The following UNC13C variants were observed in gnomAD, a reference collection of about 807,000 sequenced individuals.
The protein encoded by UNC13C is protein unc-13 homolog C.
Under a neutral mutation model 245.4 loss-of-function variants are expected in UNC13C, and 174 were observed. The observed-to-expected ratio is 0.71, with a 90% CI of 0.63 to 0.80. The LOEUF is 0.80. Ranked by LOEUF, UNC13C falls within the 30% of genes least tolerant of loss-of-function variation. UNC13C has a pLI of 0.00. For missense variants in UNC13C, 2,829 were observed against 2,602.9 expected (o/e 1.09, Z -1.89); for synonymous variants, 992 against 895.1 (o/e 1.11, Z -1.93).
intron 19 of UNC13C, among the ~76,000 whole-genome samples, chr15:54,416,445 A>G (rs939088061): frequency 6.6e-6 from 1 of 152,132 alleles, no homozygotes; most frequent in East Asian, 1.9e-4. Flanking sequence ...CTAATCTTTA[A>G]AATCACACCA....
rs150805041 is a variant in UNC13C, at chr15:54,538,882, T to A, written c.5696+5816T>A. Among the ~76,000 whole-genome samples the A allele has an allele frequency of 3.5e-3, 526 of 151,970 alleles. 5 individuals carry two copies. The highest frequency in any genetic ancestry group is 0.012 in the African/African-American group (509 of 41,494). On this transcript the variant is annotated intron_variant, in intron 26 of 32. Transcript: ENST00000260323. ...CGGGAGGAGGGTGAGAATCAAAAAC[T>A]ACGTATTGGGTACTATACTTGTTAC...
chr15:54,157,791 T>C (rs2032812956), intron 4 of UNC13C, among the ~76,000 whole-genome samples: 2 of 152,132 alleles, frequency 1.3e-5, no homozygotes, highest in Admixed American at 1.3e-4. Context: ...TCAGAAATAA[T>C]ACCACACATC....
At chr15:53,902,360 T>A in the UNC13C span, among the ~76,000 whole-genome samples, 10 of 152,092 alleles carry the variant, frequency 6.6e-5, no homozygotes, top group African/African-American at 2.4e-4. Context: ...GAGCTGGCAG[T>A]TGAGGCCAAG....
At chr15:54,451,506 G>A (rs1218145778) in intron 19 of UNC13C, among the ~76,000 whole-genome samples, 1 of 151,882 alleles carries the variant, frequency 6.6e-6, no homozygotes, top group Non-Finnish European at 1.5e-5. Flanking sequence ...TTAAAGACCT[G>A]TCTTTAAGTT....
intron 30 of UNC13C, among the ~76,000 whole-genome samples, chr15:54,582,374 A>G (rs1056482511): frequency 6.6e-6 from 1 of 152,158 alleles, no homozygotes. Context: ...TGATATTAAC[A>G]GGAGGACATC....
intron 7 of UNC13C, among the ~76,000 whole-genome samples, chr15:54,243,779 G>A (rs2035921887): frequency 1.3e-5 from 2 of 152,042 alleles, no homozygotes. Flanking sequence ...GTCTTCTTTT[G>A]AGAAATTTAT....
the UNC13C span, among the ~76,000 whole-genome samples, chr15:53,898,790 A>G: frequency 1.3e-5 from 2 of 152,344 alleles, no homozygotes; most frequent in South Asian, 2.1e-4. Context: ...AAAATATAAG[A>G]ATACTGAGTA....
chr15:54,388,975 A>G (rs1274381320), intron 17 of UNC13C, among the ~76,000 whole-genome samples: 1 of 152,190 alleles, frequency 6.6e-6, no homozygotes, highest in Non-Finnish European at 1.5e-5. Flanking sequence ...CTTTAAGTTA[A>G]TAAGTAAACT....
chr15:54,080,386 G>A (rs763109731), intron 2 of UNC13C, among the ~76,000 whole-genome samples: 5 of 151,852 alleles, frequency 3.3e-5, no homozygotes, highest in South Asian at 2.1e-4. Flanking sequence ...AAACATTTCC[G>A]AAAGATTGGT....
chr15:54,272,523 C>T (rs2036713058), intron 10 of UNC13C, among the ~76,000 whole-genome samples: 1 of 152,114 alleles, frequency 6.6e-6, no homozygotes, highest in African/African-American at 2.4e-5. Flanking sequence ...AGTGATGGTA[C>T]CAACATCAGC....
intron 17 of UNC13C, among the ~76,000 whole-genome samples, chr15:54,374,502 C>A (rs2039561969): frequency 6.6e-6 from 1 of 152,194 alleles, no homozygotes; most frequent in Non-Finnish European, 1.5e-5. Flanking sequence ...TGGGTTGTGA[C>A]AGTGCCCAGG....
chr15:53,910,064 G>A, the UNC13C span, among the ~76,000 whole-genome samples: 2 of 143,688 alleles, frequency 1.4e-5, no homozygotes, highest in African/African-American at 2.5e-5. Flanking sequence ...CTGTGCCTGC[G>A]GGCCACAGGA....
the UNC13C span, among the ~76,000 whole-genome samples, chr15:53,847,872 A>G: frequency 1.2e-4 from 18 of 152,278 alleles, no homozygotes; most frequent in East Asian, 3.3e-3. Context: ...GTTTTGGATG[A>G]ATTTGAACCT....
chr15:54,237,597 G>A (rs763005951), intron 6 of UNC13C, 22 bp from the exon 7 acceptor site: 1 of 1,598,252 alleles, frequency 6.3e-7, no homozygotes, highest in South Asian at 1.1e-5. Context: ...GTATTAATAA[G>A]TCATAATTCT....
At chr15:53,972,144 A>C in the UNC13C span, among the ~76,000 whole-genome samples, 7 of 152,224 alleles carry the variant, frequency 4.6e-5, no homozygotes, top group African/African-American at 1.7e-4. Context: ...TTGCTGAAGG[A>C]GAGAGAAAAA....
Position 54,567,875 on chromosome 15 carries a change from T to C in UNC13C, c.6034T>C (p.Tyr2012His). 1 of 1,600,552 alleles carries C rather than the reference T, an allele frequency of 6.2e-7. No homozygotes were observed. ...AAGCCCAGATCTTCAGTCTCTGAGA[T>C]ATGCTCTCAGTCTTTATACCCAAAC... is the stretch of plus-strand genomic sequence containing the variant. The part of the protein sequence containing the change: ...EKSPDLQSLR[Y>H]ALSLYTQTTD... The change falls in exon 30 of 33, where the codon TAT (tyrosine) becomes CAT (histidine). Residue 2012 changes from tyrosine to histidine, a missense_variant. By Grantham distance (83) the Tyr-to-His change is moderately conservative (BLOSUM62 2). Transcript: ENST00000260323.
the UNC13C span, among the ~76,000 whole-genome samples, chr15:53,843,663 G>C: frequency 2.6e-5 from 4 of 152,134 alleles, no homozygotes; most frequent in Admixed American, 2.6e-4. Context: ...CCATGAAGAA[G>C]ACTGAAAATG....
At chr15:54,510,284 T>G (rs1282908924) in intron 23 of UNC13C, among the ~76,000 whole-genome samples, 1 of 152,154 alleles carries the variant, frequency 6.6e-6, no homozygotes, top group Non-Finnish European at 1.5e-5. Context: ...AAATCTTCCC[T>G]TTCTGCAATT....
chr15:54,507,948 G>A (rs1252484005), intron 23 of UNC13C, among the ~76,000 whole-genome samples: 4 of 151,748 alleles, frequency 2.6e-5, no homozygotes, highest in African/African-American at 9.7e-5. Flanking sequence ...TCGCTATCAG[G>A]TGAATCTAAA....
Sources: gnomAD v4.1 joint callset for allele counts (sites outside exome capture counted in the v4.1 genomes callset) on GRCh38, gnomAD v4.1.1 for gene constraint, MANE v1.5 for transcripts, NCBI Gene and HGNC (gene_info 2026-07-23, HGNC 2026-07-21) for gene names.